The following GPD2 variants were observed in gnomAD, a reference collection of about 807,000 sequenced individuals.
GPD2 encodes the protein glycerol-3-phosphate dehydrogenase, mitochondrial.
Under a neutral mutation model 82.4 loss-of-function variants are expected in GPD2, and 54 were observed. The ratio of observed to expected loss-of-function variants is 0.66; its 90% CI spans 0.53 to 0.82. The LOEUF (loss-of-function observed/expected upper bound fraction) is 0.82, where lower values mean the gene tolerates loss of function less well. Among genes scored for constraint, GPD2 ranks in the 40% least tolerant of loss-of-function variants. The probability of loss-of-function intolerance (pLI) is 0.00; values close to 1 mark genes in which losing one functional copy is unlikely to be tolerated. For missense variants in GPD2, 748 were observed against 896.2 expected, an observed-to-expected ratio of 0.83 and a Z score of 2.11; for synonymous variants, 288 against 306.1, an observed-to-expected ratio of 0.94 and a Z score of 0.62.
At chr2:156,409,959 T>A in the GPD2 span, among the ~76,000 whole-genome samples, 1 of 151,994 alleles carries the variant, frequency 6.6e-6, no homozygotes, top group South Asian at 2.1e-4. Context: ...AGGCAGAGGA[T>A]CCCTTGAACC....
At chr2:156,504,806 TG>T (rs1381359938) in intron 3 of GPD2, among the ~76,000 whole-genome samples, 1 of 152,038 alleles carries the variant, frequency 6.6e-6, no homozygotes, top group South Asian at 2.1e-4. Flanking sequence ...CAGTGTTAAA[TG>T]AAAAAAATTA....
rs1267318254 is a variant in GPD2, at chr2:156,586,367, T to A, written c.*3449T>A. ...GGGCATGACTTCTGTATTTGTGCAA[T>A]CCTATTCTACAATTACATTCATCCT... On this transcript the variant is annotated 3_prime_UTR_variant, in exon 17 of 17. Transcript: ENST00000438166. 6.6e-6 allele frequency: 1 copy of A among 152,064 alleles called. No homozygotes were observed. The highest frequency in any genetic ancestry group is 1.9e-4 in the East Asian group (1 of 5,184). 9.4% of individuals were successfully genotyped at this position (152,064 alleles called of 1,614,324 possible).
At chr2:156,479,184 T>C (rs1683632226) in intron 2 of GPD2, among the ~76,000 whole-genome samples, 1 of 152,262 alleles carries the variant, frequency 6.6e-6, no homozygotes, top group Non-Finnish European at 1.5e-5. Flanking sequence ...TGTAGTTAAA[T>C]TACCTTATAT....
intron 6 of GPD2, among the ~76,000 whole-genome samples, chr2:156,540,912 G>A (rs554264034): frequency 3.1e-4 from 47 of 152,346 alleles, no homozygotes; most frequent in African/African-American, 1.1e-3. Flanking sequence ...AGATTGATGA[G>A]CAATAAAACC....
rs1017264290 is a variant in GPD2 at position 156,585,943 on chromosome 2, A to G, written c.*3025A>G. The G allele has an allele frequency of 2.0e-5, 3 of 152,318 alleles. No homozygotes were observed. Among genetic ancestry groups the G allele is most frequent in the African/African-American group, 7.2e-5 (3 of 41,400 alleles). 9.4% of individuals were successfully genotyped at this position (152,318 alleles called of 1,614,324 possible). A position where few individuals can be genotyped will look rare whatever the true frequency, so the allele number is the denominator to read the frequency against. On this transcript the variant is annotated 3_prime_UTR_variant, in exon 17 of 17. Transcript: ENST00000438166. ...GCACTTTTATGTATCATGTTGGGTTATTGTTCTAGACTGGACTGTTAAATA... is the reference window on the plus strand; with the variant it reads ...GCACTTTTATGTATCATGTTGGGTTGTTGTTCTAGACTGGACTGTTAAATA...
intron 2 of GPD2, among the ~76,000 whole-genome samples, chr2:156,482,394 G>C (rs1022523061): frequency 6.6e-6 from 1 of 151,640 alleles, no homozygotes; most frequent in Non-Finnish European, 1.5e-5. Context: ...TTTTTTCTAT[G>C]TAGGCTTATA....
At chr2:156,420,917 A>G in the GPD2 span, among the ~76,000 whole-genome samples, 2 of 152,362 alleles carry the variant, frequency 1.3e-5, no homozygotes, top group African/African-American at 2.4e-5. Flanking sequence ...ATGCTCCAAA[A>G]AACAAATGGA....
At chr2:156,513,706 A>G (rs1157781262) in intron 6 of GPD2, among the ~76,000 whole-genome samples, 1 of 152,048 alleles carries the variant, frequency 6.6e-6, no homozygotes, top group African/African-American at 2.4e-5. Flanking sequence ...TTTATTTTAC[A>G]TATTTGTTTT....
chr2:156,407,269 T>G, the GPD2 span, among the ~76,000 whole-genome samples: 4 of 152,220 alleles, frequency 2.6e-5, no homozygotes, highest in African/African-American at 9.7e-5. Context: ...TATTTCTATG[T>G]GGATATAAAC....
At chr2:156,570,049 A>T (rs1338389074) in intron 11 of GPD2, 38 bp from the exon 12 acceptor site, 21 of 1,600,776 alleles carry the variant, frequency 1.3e-5, no homozygotes, top group Non-Finnish European at 1.8e-5. Flanking sequence ...AGCTATTGAT[A>T]TTCAAAGTGC....
At chr2:156,400,427 G>A in the GPD2 span, among the ~76,000 whole-genome samples, 5 of 152,176 alleles carry the variant, frequency 3.3e-5, no homozygotes, top group Admixed American at 2.0e-4. Flanking sequence ...TGCGCAATAA[G>A]CCTGGGGAGG....
intron 1 of GPD2, among the ~76,000 whole-genome samples, chr2:156,470,496 C>T (rs78911347): frequency 0.021 from 3,124 of 152,258 alleles, 118 homozygotes; most frequent in African/African-American, 0.072. Flanking sequence ...ACTGGTCCAG[C>T]CCATTTGCAT....
At chr2:156,490,223 A>G (rs1363831851) in intron 2 of GPD2, among the ~76,000 whole-genome samples, 3 of 152,066 alleles carry the variant, frequency 2.0e-5, no homozygotes, top group Admixed American at 6.6e-5. Flanking sequence ...AACATATTCT[A>G]GGAAAGGTAG....
At chr2:156,534,631 T>G (rs1354045446) in intron 6 of GPD2, among the ~76,000 whole-genome samples, 1 of 152,234 alleles carries the variant, frequency 6.6e-6, no homozygotes, top group Non-Finnish European at 1.5e-5. Flanking sequence ...TTTTGTATAG[T>G]AAGTTGAAAG....
intron 1 of GPD2, among the ~76,000 whole-genome samples, chr2:156,467,435 G>A (rs1291832678): frequency 2.0e-5 from 3 of 152,106 alleles, no homozygotes; most frequent in Non-Finnish European, 1.5e-5. Flanking sequence ...TTTATCTTGC[G>A]TTATCAGGAT....
chr2:156,422,740 A>AAAAC, the GPD2 span, among the ~76,000 whole-genome samples: 4 of 151,862 alleles, frequency 2.6e-5, no homozygotes, highest in Non-Finnish European at 5.9e-5. Context: ...AAAAAAAACA[A>AAAAC]AAACAAACAA....
At chr2:156,451,398 G>A (rs1330140725) in intron 1 of GPD2, among the ~76,000 whole-genome samples, 2 of 141,854 alleles carry the variant, frequency 1.4e-5, no homozygotes, top group African/African-American at 5.2e-5. Flanking sequence ...CTCCCGGACG[G>A]GGCAGCTGGC....
intron 6 of GPD2, among the ~76,000 whole-genome samples, chr2:156,526,825 G>A (rs1420642219): frequency 6.6e-6 from 1 of 152,022 alleles, no homozygotes; most frequent in Non-Finnish European, 1.5e-5. Context: ...TTGCAATATG[G>A]GGAAATAAAT....
At chr2:156,436,610 T>G (rs1299579831) in intron 1 of GPD2, 97 bp downstream of exon 1, 2 of 152,424 alleles carry the variant, frequency 1.3e-5, no homozygotes, top group East Asian at 1.9e-4. Context: ...GACTCCAGTC[T>G]TGGCGGTAGG....
Sources: gnomAD v4.1 joint callset for allele counts (sites outside exome capture counted in the v4.1 genomes callset) on GRCh38, gnomAD v4.1.1 for gene constraint, MANE v1.5 for transcripts, NCBI Gene and HGNC (gene_info 2026-07-23, HGNC 2026-07-21) for gene names.